Variants in NPAS4 observed in about 807,000 individuals in gnomAD.
NPAS4 encodes the protein neuronal PAS domain protein 4.
NPAS4 carries 10 observed loss-of-function variants against 64.0 expected under a neutral mutation model. The observed-to-expected ratio is 0.16, with a 90% CI of 0.10 to 0.26. NPAS4 has a LOEUF of 0.26. Among genes scored for constraint, NPAS4 ranks in the 10% least tolerant of loss-of-function variants. The probability of loss-of-function intolerance (pLI) is 1.00; values close to 1 mark genes in which losing one functional copy is unlikely to be tolerated. For missense variants in NPAS4, 886 were observed against 992.6 expected (o/e 0.89, Z 1.44); for synonymous variants, 441 against 411.7 (o/e 1.07, Z -0.86).
rs773410570 is a variant in NPAS4, at chr11:66,425,287, G to A, written c.2380+17G>A. On this transcript the variant is annotated intron_variant, in intron 7 of 7. Transcript: ENST00000311034. ...TCCATGAAGGTGAGTCAGCCAAAAG[G>A]TCCAAGAACTCAAGTCCCTGTCCTG... 2 of 1,440,784 alleles carry A rather than the reference G, an allele frequency of 1.4e-6. No homozygotes were observed. Among genetic ancestry groups the A allele is most frequent in the Non-Finnish European group, 1.9e-6 (2 of 1,076,226 alleles). 89.2% of individuals were successfully genotyped at this position (1,440,784 alleles called of 1,614,324 possible). A position where few individuals can be genotyped will look rare whatever the true frequency, so the allele number is the denominator to read the frequency against.
At chr11:66,420,356 C>A (rs192334553), upstream of NPAS4, among the ~76,000 whole-genome samples, 48 of 152,372 alleles carry the variant, frequency 3.2e-4, no homozygotes, top group Admixed American at 2.9e-3. Context: ...TCCCTTTCCA[C>A]CCATCCTCGG....
At chr11:66,411,259 C>T in the NPAS4 span, among the ~76,000 whole-genome samples, 1 of 152,186 alleles carries the variant, frequency 6.6e-6, no homozygotes, top group African/African-American at 2.4e-5. Flanking sequence ...ACAGGTGGCC[C>T]AGCAGGCTCA....
chr11:66,422,619 C>T, intron 3 of NPAS4, 55 bp from the exon 4 acceptor site: 2 of 1,605,028 alleles, frequency 1.2e-6, no homozygotes, highest in South Asian at 2.2e-5. Flanking sequence ...CCACCATCCA[C>T]TGTCTCTCTC....
At chr11:66,423,393 TA>T (rs1308633729) in intron 5 of NPAS4, 161 bp downstream of exon 5, 2 of 821,850 alleles carry the variant, frequency 2.4e-6, no homozygotes, top group Non-Finnish European at 2.0e-6. Flanking sequence ...TTCAAGGCAA[TA>T]ATCAAATCAG....
Position 66,421,063 on chromosome 11 carries a change from G to A in NPAS4, c.-117G>A, listed in dbSNP as rs1471443136. 2 of 867,106 alleles carry A rather than the reference G, an allele frequency of 2.3e-6. No homozygotes were observed. The highest frequency in any genetic ancestry group is 2.6e-5 in the Admixed American group (1 of 37,914). The allele number at this position is 867,106 out of a possible 1,614,324, so 53.7% of individuals were successfully genotyped here. ...CAGCGCAGCCGAGCGGAGCCCAGGAGAGCAGAGAGCGAGCCTGAGCGAGAG... is the reference window on the plus strand; with the variant it reads ...CAGCGCAGCCGAGCGGAGCCCAGGAAAGCAGAGAGCGAGCCTGAGCGAGAG... On this transcript the variant is annotated 5_prime_UTR_variant, in exon 1 of 8. Transcript: ENST00000311034.
upstream of NPAS4, among the ~76,000 whole-genome samples, chr11:66,416,635 C>T (rs567942512): frequency 7.9e-5 from 12 of 152,346 alleles, no homozygotes; most frequent in South Asian, 2.1e-3. Flanking sequence ...CTTTCTTGGA[C>T]CATCTTGCCC....
Position 66,426,114 on chromosome 11 carries a change from G to A in NPAS4, c.*125G>A, listed in dbSNP as rs1474329117. ...AGAGGGGGATATATATGATTCCCCAGGCCCTGCAGGATTTTGGGGGGGGGG... is the reference window on the plus strand; with the variant it reads ...AGAGGGGGATATATATGATTCCCCAAGCCCTGCAGGATTTTGGGGGGGGGG... On this transcript the variant is annotated 3_prime_UTR_variant, in exon 8 of 8. Coordinates refer to ENST00000311034, the MANE Select transcript of NPAS4 (RefSeq NM_178864.4). 1.8e-5 allele frequency: 10 copies of A among 560,634 alleles called. No individual in the cohort carries two copies. Among genetic ancestry groups the A allele is most frequent in the Non-Finnish European group, 3.3e-5 (10 of 301,964 alleles). 34.7% of individuals were successfully genotyped at this position (560,634 alleles called of 1,614,324 possible). A position where few individuals can be genotyped will look rare whatever the true frequency, so the allele number is the denominator to read the frequency against.
chr11:66,415,968 T>C, the NPAS4 span, among the ~76,000 whole-genome samples: 1 of 152,060 alleles, frequency 6.6e-6, no homozygotes, highest in African/African-American at 2.4e-5. Flanking sequence ...CTGGGTGTAG[T>C]AGTTTATGCC....
Position 66,425,188 on chromosome 11 carries a change from A to C in NPAS4, c.2298A>C (p.Thr766=). ...DLATYETAFE[T]GVSAFPYDGF... ...CCACATATGAAACCGCCTTTGAGAC[A>C]GGTGTCTCAGCATTCCCCTATGATG... is the stretch of plus-strand genomic sequence containing the variant. Residue 766 remains threonine, a synonymous_variant, in exon 7 of 8, where the codon ACA becomes ACC. Transcript: ENST00000311034. The C allele has an allele frequency of 6.3e-7, 1 of 1,580,774 alleles. No individual in the cohort carries two copies.
Position 66,423,683 on chromosome 11 carries a change from G to A in NPAS4, c.914G>A (p.Gly305Glu). ...CTGTTATACTCAGAAGGTCCAGAGG[G>A]ACCCATTACTGCCAATAACTACCCA... The part of the protein sequence containing the change: ...YCLLYSEGPE[G>E]PITANNYPIS... The change falls in exon 6 of 8, where the codon GGA becomes GAA. Residue 305 changes from glycine (G) to glutamate (E), a missense_variant. Around this residue, in one of 3 missense-constraint regions of NPAS4, gnomAD observed 820 missense variants for 855.5 expected, o/e 0.96. Transcript: ENST00000311034. 1.2e-6 allele frequency: 2 copies of A among 1,614,176 alleles called. No individual in the cohort carries two copies. Among genetic ancestry groups the A allele is most frequent in the Non-Finnish European group, 1.7e-6 (2 of 1,180,028 alleles).
upstream of NPAS4, among the ~76,000 whole-genome samples, chr11:66,419,875 C>T (rs1773531574): frequency 6.6e-6 from 1 of 152,184 alleles, no homozygotes; most frequent in African/African-American, 2.4e-5. Context: ...AATACAGGGT[C>T]CCTGGTAGGT....
Position 66,422,611 on chromosome 11 carries a change from A to G in NPAS4, c.430+58A>G, listed in dbSNP as rs185983665. On this transcript the variant is annotated intron_variant, in intron 3 of 7. Transcript: ENST00000311034. ...TTTCCCACCTGCTGCCCTTCTCCCC[A>G]CCATCCACTGTCTCTCTCTCAGCCA... 2.6e-3 allele frequency: 4,131 copies of G among 1,598,150 alleles called. 106 individuals carry two copies. In the African/African-American group the frequency reaches 0.05, roughly 19 times the overall value.
At chr11:66,419,711 T>C (rs1051008292), upstream of NPAS4, among the ~76,000 whole-genome samples, 3 of 150,988 alleles carry the variant, frequency 2.0e-5, no homozygotes, top group Non-Finnish European at 4.4e-5. Flanking sequence ...GGGGTGGGGA[T>C]AGGGCAAAGG....
At chr11:66,417,102 T>C (rs1856680267), upstream of NPAS4, 1 of 151,564 alleles carries the variant, frequency 6.6e-6, no homozygotes. Context: ...GAAAAAATAA[T>C]AAAGAAAGGA....
In NPAS4 at chr11:66,426,296, A is replaced by C. The variant is rs1238126337; in HGVS notation, c.*307A>C. 2.9e-6 allele frequency: 1 copy of C among 343,242 alleles called. No homozygotes were observed. Among genetic ancestry groups the C allele is most frequent in the Non-Finnish European group, 5.5e-6 (1 of 181,274 alleles). The allele number at this position is 343,242 out of a possible 1,614,324, so 21.3% of individuals were successfully genotyped here. On this transcript the variant is annotated 3_prime_UTR_variant, in exon 8 of 8. Coordinates refer to ENST00000311034, the MANE Select transcript of NPAS4 (RefSeq NM_178864.4). ...TCTCACTTCCCCGCCGCCTTGCCCC[A>C]TTGGCCTGGGCCAGTTCTCCACTCC...
chr11:66,425,104 G>T lies in NPAS4; in HGVS notation c.2214G>T (p.Gly738=), dbSNP rs769488900. The change falls in exon 7 of 8, where the codon GGG becomes GGT. Residue 738 remains glycine, a synonymous_variant. Transcript: ENST00000311034. ...SGDPEAEGPG[G]APSPCNNLSP... ...ATCCTGAGGCAGAGGGCCCAGGAGG[G>T]GCCCCATCGCCTTGCAACAACCTGT... 4 of 1,604,718 alleles carry T rather than the reference G, an allele frequency of 2.5e-6. No individual in the cohort carries two copies. Among genetic ancestry groups the T allele is most frequent in the Non-Finnish European group, 3.4e-6 (4 of 1,176,552 alleles).
Position 66,424,462 on chromosome 11 carries a change from C to A in NPAS4, c.1572C>A (p.Gly524=). The A allele has an allele frequency of 6.2e-7, 1 of 1,614,184 alleles. No homozygotes were observed. The highest frequency in any genetic ancestry group is 8.5e-7 in the Non-Finnish European group (1 of 1,180,026). Residue 524 remains glycine (G), a synonymous_variant, in exon 7 of 8, where the codon GGC becomes GGA. Coordinates refer to ENST00000311034, the MANE Select transcript of NPAS4 (RefSeq NM_178864.4). ...PSTATFPEPL[G]SPAHEQLTPP... ...CAGCCACCTTCCCAGAGCCTCTGGG[C>A]AGCCCTGCCCATGAACAGCTGACTC...
In NPAS4 at chr11:66,424,380, A is replaced by G; in HGVS notation, c.1490A>G (p.Tyr497Cys). Residue 497 changes from tyrosine to cysteine, a missense_variant, in exon 7 of 8, where the codon TAT becomes TGT. Coordinates refer to ENST00000311034, the MANE Select transcript of NPAS4 (RefSeq NM_178864.4). ...TTGACTGAAACCTCGGTCAGAAGCT[A>G]TGAAGACCAGTTGACTCCCTGCACC... ...GQLTETSVRS[Y>C]EDQLTPCTST... The G allele has an allele frequency of 3.7e-6, 6 of 1,614,078 alleles. No individual in the cohort carries two copies. The highest frequency in any genetic ancestry group is 5.1e-6 in the Non-Finnish European group (6 of 1,179,982).
intron 7 of NPAS4, 84 bp from the exon 8 acceptor site, chr11:66,425,877 C>T (rs1856832241): frequency 2.9e-6 from 3 of 1,040,042 alleles, no homozygotes; most frequent in South Asian, 2.5e-5. Context: ...GAAGCCTATA[C>T]TAATACCAAC....
Sources: allele counts gnomAD v4.1 joint callset (sites outside exome capture counted in the v4.1 genomes callset), GRCh38; gene constraint gnomAD v4.1.1; regional missense constraint gnomAD v4.1.1; transcripts MANE v1.5; gene names NCBI Gene and HGNC (gene_info 2026-07-23, HGNC 2026-07-21).